Variants in VSX1 observed in about 807,000 individuals in gnomAD.
The protein encoded by VSX1 is homeodomain protein RINX.
In VSX1, 23 loss-of-function variants were observed where a neutral mutation model predicts 23.6. The ratio of observed to expected loss-of-function variants is 0.97; its 90% CI spans 0.70 to 1.38. The LOEUF (loss-of-function observed/expected upper bound fraction) is 1.38, where lower values mean the gene tolerates loss of function less well. VSX1 is among the 40% of genes most tolerant of loss of function. The pLI, the probability that VSX1 is intolerant of heterozygous loss-of-function variation, is 0.00. For synonymous variants in VSX1, 247 were observed against 215.1 expected, an observed-to-expected ratio of 1.15 and a Z score of -1.30; for missense variants, 517 against 495.4, an observed-to-expected ratio of 1.04 and a Z score of -0.41.
chr20:25,073,235 T>C (rs2089417603), downstream of VSX1, among the ~76,000 whole-genome samples: 1 of 151,958 alleles, frequency 6.6e-6, no homozygotes, highest in South Asian at 2.1e-4. Context: ...ATTTTAATAA[T>C]ATTAATATTA....
At chr20:25,073,872 G>A (rs551016958), downstream of VSX1, among the ~76,000 whole-genome samples, 15 of 152,172 alleles carry the variant, frequency 9.9e-5, no homozygotes, top group South Asian at 1.5e-3. Flanking sequence ...TCTGTGGGGC[G>A]TGGCCAGTTG....
chr20:25,078,041 G>A, intron 3 of VSX1, 176 bp from the exon 4 acceptor site: 1 of 833,676 alleles, frequency 1.2e-6, no homozygotes, highest in Non-Finnish European at 1.9e-6. Flanking sequence ...AGAGCGCCCA[G>A]GAGCCCCCAG....
downstream of VSX1, among the ~76,000 whole-genome samples, chr20:25,073,213 A>G (rs2122841306): frequency 6.7e-6 from 1 of 148,694 alleles, no homozygotes; most frequent in South Asian, 2.2e-4. Context: ...ATATTGAGAA[A>G]GCGGTGTTAA....
intron 4 of VSX1, 125 bp downstream of exon 4, chr20:25,077,559 TG>T: frequency 8.6e-7 from 1 of 1,159,318 alleles, no homozygotes; most frequent in Non-Finnish European, 1.2e-6. Context: ...AGAACGGTTC[TG>T]GACCTGAATC....
downstream of VSX1, chr20:25,071,631 T>A (rs997650924): frequency 1.8e-6 from 1 of 558,102 alleles, no homozygotes; most frequent in Non-Finnish European, 3.4e-6. Flanking sequence ...AGGAGGGGAG[T>A]TTCTGTAAGA....
Position 25,078,662 on chromosome 20 carries a change from G to A in VSX1, c.627+167C>T, listed in dbSNP as rs2089564248. 24 of 1,568,292 alleles carry A rather than the reference G, an allele frequency of 1.5e-5. 1 individual carries two copies. The Admixed American group carries it at 2.1e-4, about 14-fold the overall frequency. On this transcript the variant is annotated intron_variant, in intron 3 of 4. Transcript: ENST00000376709. ...AATAATAAAATGAAAAAAGGCATGA[G>A]GGTCATAGGGGCAAGCTCTTGTGGT... is the stretch of plus-strand genomic sequence containing the variant.
At chr20:25,074,511 C>T (rs940954867), downstream of VSX1, among the ~76,000 whole-genome samples, 26 of 152,280 alleles carry the variant, frequency 1.7e-4, no homozygotes, top group African/African-American at 6.3e-4. Context: ...TTGTCCACTA[C>T]TTGTATATTT....
At chr20:25,078,181 G>T (rs2089552732) in intron 3 of VSX1, among the ~76,000 whole-genome samples, 1 of 152,206 alleles carries the variant, frequency 6.6e-6, no homozygotes, top group African/African-American at 2.4e-5. Flanking sequence ...TTCCCACATT[G>T]TGTGAAGAGG....
At chr20:25,071,638 A>G (rs2089381203), downstream of VSX1, 1 of 570,666 alleles carries the variant, frequency 1.8e-6, no homozygotes, top group Non-Finnish European at 3.3e-6. Flanking sequence ...GAGTTTCTGT[A>G]AGAGCAGCTT....
At chr20:25,079,839 G>T (rs548628462) in intron 1 of VSX1, among the ~76,000 whole-genome samples, 20 of 152,220 alleles carry the variant, frequency 1.3e-4, no homozygotes, top group African/African-American at 4.3e-4. Context: ...GTGAAGTTGA[G>T]AATTCAAATC....
At chr20:25,071,534 A>G (rs568766798), downstream of VSX1, 16 of 457,998 alleles carry the variant, frequency 3.5e-5, 1 homozygote, top group South Asian at 2.3e-4. Flanking sequence ...CAGAAAAGTC[A>G]GAACAATGCC....
At position 25,082,065 on chromosome 20, in the gene VSX1, C is replaced by A. The variant is rs756519685; in HGVS notation, c.32G>T (p.Arg11Leu). The A allele has an allele frequency of 1.3e-6, 2 of 1,538,524 alleles. No homozygotes were observed. The highest frequency in any genetic ancestry group is 1.7e-6 in the Non-Finnish European group (2 of 1,148,464). Residue 11 changes from arginine to leucine, a missense_variant, in exon 1 of 5, where the codon CGC (arginine) becomes CTC (leucine). Coordinates refer to ENST00000376709, the MANE Select transcript of VSX1 (RefSeq NM_014588.6). Reference sequence around the variant, plus strand: ...AGGCACCAGCGCCCTGCTGCTAGTGCGCCCGTCGGAAAGCGAGTCCCGGCC... The same window carrying A: ...AGGCACCAGCGCCCTGCTGCTAGTGAGCCCGTCGGAAAGCGAGTCCCGGCC... Reference protein sequence around the residue: MTGRDSLSDGRTSSRALVPGG... With the variant: MTGRDSLSDGLTSSRALVPGG...
intron 2 of VSX1, 65 bp from the exon 3 acceptor site, chr20:25,079,017 T>C: frequency 6.2e-7 from 1 of 1,602,794 alleles, no homozygotes. Flanking sequence ...TCCCTGGCCT[T>C]AAGGACCACC....
rs2089490692 is a variant in VSX1 at position 25,076,332 on chromosome 20, C to A, written c.1027G>T (p.Ala343Ser). The change falls in exon 5 of 5, where the codon GCT (alanine) becomes TCT (serine). Residue 343 changes from alanine (A) to serine (S), a missense_variant. Transcript: ENST00000376709. ...GAGTTGGAGCCTCCTTGAGCACCAG[C>A]CCCAGGGTGCACTTTCTTGGTCTCC... ...RQETKKVHPG[A>S]GAQGGSNSTA... is the part of the protein sequence containing the mutation. The A allele has an allele frequency of 3.1e-6, 5 of 1,614,058 alleles. No individual in the cohort carries two copies. Among genetic ancestry groups the A allele is most frequent in the Non-Finnish European group, 4.2e-6 (5 of 1,180,044 alleles).
intron 3 of VSX1, chr20:25,078,138 G>A: frequency 3.7e-6 from 2 of 543,316 alleles, no homozygotes; most frequent in South Asian, 2.2e-5. Flanking sequence ...CATAGAGTCA[G>A]GAATGAAAAA....
At chr20:25,076,605 A>C (rs972726013) in intron 4 of VSX1, 55 bp from the exon 5 acceptor site, 2 of 1,531,182 alleles carry the variant, frequency 1.3e-6, no homozygotes, top group Admixed American at 1.9e-5. Context: ...TAAATTCAGC[A>C]ATGAAGTAAA....
chr20:25,075,328 A>G (rs975469052), downstream of VSX1: 2 of 152,232 alleles, frequency 1.3e-5, no homozygotes, highest in Admixed American at 1.3e-4. Context: ...ACAAGGCAAC[A>G]CATGGTAAGA....
chr20:25,077,858 A>G lies in VSX1; in HGVS notation c.635T>C (p.Phe212Ser). The G allele has an allele frequency of 6.4e-7, 1 of 1,551,912 alleles. No individual in the cohort carries two copies. The highest frequency in any genetic ancestry group is 8.7e-7 in the Non-Finnish European group (1 of 1,147,266). Residue 212 changes from phenylalanine to serine, a missense_variant, in exon 4 of 5, where the codon TTT becomes TCT. Physicochemically the swap from Phe to Ser is radical, Grantham distance 155. Transcript: ENST00000376709. Reference protein sequence around the residue: ...ELPEDRIQVWFQNRRAKWRKR... With the variant: ...ELPEDRIQVWSQNRRAKWRKR... ...GCGCCATTTGGCCCTGCGGTTTTGA[A>G]ACCAGACCTGGTTGGAGGCAGGAGA...
In VSX1 at chr20:25,078,844, G is replaced by T. The variant is rs200369946; in HGVS notation, c.612C>A (p.Pro204=). The T allele has an allele frequency of 9.9e-6, 16 of 1,613,996 alleles. No homozygotes were observed. The South Asian group carries it at 1.2e-4, about 12-fold the overall frequency. The change falls in exon 3 of 5, where the codon CCC becomes CCA. Residue 204 remains proline, a synonymous_variant. Coordinates refer to ENST00000376709, the MANE Select transcript of VSX1 (RefSeq NM_014588.6). ...REMLAVKTEL[P]EDRIQVWFQN... ...CCCCAGACACCTGTATCCGGTCTTC[G>T]GGGAGCTCAGTTTTCACAGCCAGCA...
Sources: allele counts gnomAD v4.1 joint callset (sites outside exome capture counted in the v4.1 genomes callset), GRCh38; gene constraint gnomAD v4.1.1; transcripts MANE v1.5; gene names NCBI Gene and HGNC (gene_info 2026-07-23, HGNC 2026-07-21).